SLC30A3: variants seen among roughly 807,000 people sequenced by gnomAD.
SLC30A3 encodes solute carrier family 30 member 3.
SLC30A3 carries 20 observed loss-of-function variants against 35.6 expected under a neutral mutation model. That is an observed-to-expected ratio of 0.56 (90% confidence interval 0.39 to 0.82). SLC30A3 has a LOEUF of 0.82. Among genes scored for constraint, SLC30A3 ranks in the 40% least tolerant of loss-of-function variants. SLC30A3 has a pLI of 0.00. For synonymous variants in SLC30A3, 217 were observed against 224.7 expected (o/e 0.97, Z 0.31); for missense variants, 401 against 530.6 (o/e 0.76, Z 2.40).
rs766532419 is a variant in SLC30A3 at position 27,262,856 on chromosome 2, G to T, written c.51C>A (p.Ser17Arg). 1.3e-6 allele frequency: 2 copies of T among 1,564,954 alleles called. No individual in the cohort carries two copies. Among genetic ancestry groups the T allele is most frequent in the Admixed American group, 1.9e-5 (1 of 51,872 alleles). The part of the protein sequence containing the change: ...AGGLETTRLV[S>R]PRDRGGAGGS... The stretch of plus-strand genomic sequence containing the variant: ...CTCCGGCGCCACCGCGGTCCCGGGG[G>T]CTCACCAGGCGAGTGGTCTCCAAGC... The change falls in exon 1 of 8, where the codon AGC becomes AGA. Residue 17 changes from serine to arginine, a missense_variant. Around this residue, in one of 3 missense-constraint regions of SLC30A3, gnomAD observed 103 missense variants for 120.7 expected, o/e 0.85. Coordinates refer to ENST00000233535, the MANE Select transcript of SLC30A3 (RefSeq NM_003459.5). This position sits in a 1 kb window ranked among gnomAD's most constrained non-coding sequence, Gnocchi z 7.5.
Position 27,258,170 on chromosome 2 carries a change from G to A in SLC30A3, c.415C>T (p.His139Tyr), listed in dbSNP as rs779046494. Reference sequence around the variant, plus strand: ...CATGCAGGGGCCTTACCTGAACGGTGCCAGCCAAAGGTCATGGTGCGGGTG... The same window carrying A: ...CATGCAGGGGCCTTACCTGAACGGTACCAGCCAAAGGTCATGGTGCGGGTG... ...PATRTMTFGW[H>Y]RSETLGALAS... Residue 139 changes from histidine (H) to tyrosine (Y), a missense_variant, in exon 3 of 8, where the codon CAC becomes TAC. His to Tyr is a moderately conservative substitution (Grantham distance 83, BLOSUM62 2). Transcript: ENST00000233535. This position sits in a 1 kb window ranked among gnomAD's most constrained non-coding sequence, Gnocchi z 4.0. The A allele has an allele frequency of 1.9e-6, 3 of 1,594,456 alleles. No homozygotes were observed. The East Asian group carries it at 6.7e-5, about 36-fold the overall frequency.
intron 1 of SLC30A3, among the ~76,000 whole-genome samples, chr2:27,259,568 C>T (rs982673449): frequency 1.3e-5 from 2 of 152,010 alleles, no homozygotes; most frequent in Non-Finnish European, 1.5e-5. Context: ...GCTCACTGCA[C>T]ACTTGAGTTC....
chr2:27,263,169 C>CA (rs1212321222), upstream of SLC30A3: 2 of 1,241,792 alleles, frequency 1.6e-6, no homozygotes, highest in Non-Finnish European at 2.1e-6. Context: ...GCCCCGCCCC[C>CA]ACTGCCAAAG....
In SLC30A3 at chr2:27,262,883, C is replaced by T. The variant is rs771274299; in HGVS notation, c.24G>A (p.Gly8=). 1 of 1,558,182 alleles carries T rather than the reference C, an allele frequency of 6.4e-7. No homozygotes were observed. Among genetic ancestry groups the T allele is most frequent in the South Asian group, 1.2e-5 (1 of 84,866 alleles). MEPSPAA[G]GLETTRLVSP... is the part of the protein sequence containing the mutation. The stretch of plus-strand genomic sequence containing the variant: ...TCACCAGGCGAGTGGTCTCCAAGCC[C>T]CCAGCGGCTGGAGAGGGCTCCATGT... The change falls in exon 1 of 8, where the codon GGG becomes GGA. Residue 8 remains glycine, a synonymous_variant. Coordinates refer to ENST00000233535, the MANE Select transcript of SLC30A3 (RefSeq NM_003459.5). This position sits in a 1 kb window ranked among gnomAD's most constrained non-coding sequence, Gnocchi z 7.5.
chr2:27,257,080 T>C lies in SLC30A3; in HGVS notation c.777+74A>G. The stretch of plus-strand genomic sequence containing the variant: ...AGCTGGAGGGAGGAGGAAGGAAGCT[T>C]TGGGACCTGGGAAGGAGTGGGCTGG... On this transcript the variant is annotated intron_variant, in intron 5 of 7. Transcript: ENST00000233535. This position sits in a 1 kb window ranked among gnomAD's most constrained non-coding sequence, Gnocchi z 4.7. The C allele has an allele frequency of 2.0e-6, 3 of 1,468,632 alleles. No homozygotes were observed. Among genetic ancestry groups the C allele is most frequent in the Admixed American group, 3.4e-5 (2 of 58,306 alleles). The allele number at this position is 1,468,632 out of a possible 1,614,324, so 91.0% of individuals were successfully genotyped here.
chr2:27,273,662 C>T (rs1000082722), intron 1 of SLC30A3, among the ~76,000 whole-genome samples: 1 of 151,986 alleles, frequency 6.6e-6, no homozygotes, highest in Non-Finnish European at 1.5e-5. Flanking sequence ...GTCTTCATCC[C>T]CTCTCCCTGC....
Position 27,255,640 on chromosome 2 carries a change from C to A in SLC30A3, c.1019-180G>T. ...TCAAATCAAATGTTGGAGAGACTCACCCCAATCAACCATGCTAACACACTA... is the reference window on the plus strand; with the variant it reads ...TCAAATCAAATGTTGGAGAGACTCAACCCAATCAACCATGCTAACACACTA... On this transcript the variant is annotated intron_variant, in intron 7 of 7. Coordinates refer to ENST00000233535, the MANE Select transcript of SLC30A3 (RefSeq NM_003459.5). The surrounding 1 kb of genome is among the most constrained non-coding windows in gnomAD (Gnocchi z 5.2). 1.6e-6 allele frequency: 1 copy of A among 638,948 alleles called. No homozygotes were observed. Among genetic ancestry groups the A allele is most frequent in the Non-Finnish European group, 2.7e-6 (1 of 370,890 alleles). The allele number at this position is 638,948 out of a possible 1,614,324, so 39.6% of individuals were successfully genotyped here.
chr2:27,264,137 T>C, upstream of SLC30A3: 2 of 1,106,464 alleles, frequency 1.8e-6, no homozygotes, highest in Non-Finnish European at 2.4e-6. This position sits in a 1 kb window ranked among gnomAD's most constrained non-coding sequence, Gnocchi z 6.1. Context: ...TGTGACAGTC[T>C]GTGAAGAGGA....
Position 27,262,882 on chromosome 2 carries a change from C to A in SLC30A3, c.25G>T (p.Gly9Cys). The part of the protein sequence containing the change: MEPSPAAG[G>C]LETTRLVSPR... ...CTCACCAGGCGAGTGGTCTCCAAGC[C>A]CCCAGCGGCTGGAGAGGGCTCCATG... is the stretch of plus-strand genomic sequence containing the variant. Residue 9 changes from glycine (G) to cysteine (C), a missense_variant, in exon 1 of 8, where the codon GGC becomes TGC. By Grantham distance (159) the Gly-to-Cys change is radical (BLOSUM62 -3). Around this residue, in one of 3 missense-constraint regions of SLC30A3, gnomAD observed 103 missense variants for 120.7 expected, o/e 0.85. Transcript: ENST00000233535. This position sits in a 1 kb window ranked among gnomAD's most constrained non-coding sequence, Gnocchi z 7.5. 2 of 1,557,872 alleles carry A rather than the reference C, an allele frequency of 1.3e-6. No individual in the cohort carries two copies. Among genetic ancestry groups the A allele is most frequent in the Non-Finnish European group, 1.7e-6 (2 of 1,159,254 alleles).
chr2:27,258,301 T>C lies in SLC30A3; in HGVS notation c.284A>G (p.Tyr95Cys). The C allele has an allele frequency of 4.6e-6, 7 of 1,518,196 alleles. No individual in the cohort carries two copies. Among genetic ancestry groups the C allele is most frequent in the Non-Finnish European group, 6.2e-6 (7 of 1,131,808 alleles). 94.0% of individuals were successfully genotyped at this position (1,518,196 alleles called of 1,614,324 possible). ...CATGATGGCCAGGCTGTGTGCCAGA[T>C]ACCCGCCTGCCAGGGTGAAATGATG... ...VFMAGEVVGG[Y>C]LAHSLAIMTD... Residue 95 changes from tyrosine (Y) to cysteine (C), a missense_variant, in exon 3 of 8, where the codon TAT becomes TGT. By Grantham distance (194) the Tyr-to-Cys change is radical. Around this residue, in one of 3 missense-constraint regions of SLC30A3, gnomAD observed 2 missense variants for 17.3 expected, o/e 0.12. Transcript: ENST00000233535. This position sits in a 1 kb window ranked among gnomAD's most constrained non-coding sequence, Gnocchi z 4.0.
upstream of SLC30A3, among the ~76,000 whole-genome samples, chr2:27,264,540 A>G (rs2148141705): frequency 6.6e-6 from 1 of 152,144 alleles, no homozygotes; most frequent in East Asian, 1.9e-4. The surrounding 1 kb of genome is among the most constrained non-coding windows in gnomAD (Gnocchi z 6.1). Flanking sequence ...GTGCGAAGGG[A>G]CTGTCCTGCG....
Position 27,258,562 on chromosome 2 carries a change from G to T in SLC30A3, c.277+191C>A. 1.4e-6 allele frequency: 1 copy of T among 690,716 alleles called. No individual in the cohort carries two copies. Among genetic ancestry groups the T allele is most frequent in the Non-Finnish European group, 2.4e-6 (1 of 422,522 alleles). 42.8% of individuals were successfully genotyped at this position (690,716 alleles called of 1,614,324 possible). A position where few individuals can be genotyped will look rare whatever the true frequency, so the allele number is the denominator to read the frequency against. The stretch of plus-strand genomic sequence containing the variant: ...AGTCAGCCCTGACCTACTGGCCCCG[G>T]ACCTCGGCTGGAATTCCCTTTGTTG... On this transcript the variant is annotated intron_variant, in intron 2 of 7. Transcript: ENST00000233535. The surrounding 1 kb of genome is among the most constrained non-coding windows in gnomAD (Gnocchi z 4.0).
Position 27,271,438 on chromosome 2 carries a change from C to A in SLC30A3, c.-159+3739G>T, listed in dbSNP as rs144859566. 6.6e-6 allele frequency among the ~76,000 whole-genome samples: 1 copy of A among 152,354 alleles called. No homozygotes were observed. The highest frequency in any genetic ancestry group is 2.4e-5 in the African/African-American group (1 of 41,580). ...CCAAGAAATGGTTTTAGTCTGTAAT[C>A]ATTCTTTGGCAGTTATTTTTGGTTT... is the stretch of plus-strand genomic sequence containing the variant. On this transcript the variant is annotated intron_variant, in intron 1 of 5. Coordinates refer to the SLC30A3 transcript ENST00000424577. This position sits in a 1 kb window ranked among gnomAD's most constrained non-coding sequence, Gnocchi z 4.3.
At chr2:27,268,581 G>A (rs1422198184) in intron 1 of SLC30A3, among the ~76,000 whole-genome samples, 1 of 152,108 alleles carries the variant, frequency 6.6e-6, no homozygotes, top group Non-Finnish European at 1.5e-5. Flanking sequence ...GTGAAACCCC[G>A]TCTCTACTAA....
At position 27,257,963 on chromosome 2, in the gene SLC30A3, G is replaced by A. The variant is rs766252330; in HGVS notation, c.520C>T (p.His174Tyr). 1.9e-6 allele frequency: 3 copies of A among 1,614,090 alleles called. No individual in the cohort carries two copies. In the African/African-American group the frequency reaches 4.0e-5, roughly 22 times the overall value. ...AFVRLLHSDY[H>Y]IEGGAMLLTA... The stretch of plus-strand genomic sequence containing the variant: ...AGCAGCATGGCACCCCCCTCGATGT[G>A]GTAGTCGCTGTGCAGCAGGCGGACG... Residue 174 changes from histidine to tyrosine, a missense_variant, in exon 4 of 8, where the codon CAC becomes TAC. His to Tyr is a moderately conservative substitution (Grantham distance 83, BLOSUM62 2). This residue lies in a region of SLC30A3 where 296 missense variants were observed against 392.6 expected (regional missense o/e 0.75). Coordinates refer to ENST00000233535, the MANE Select transcript of SLC30A3 (RefSeq NM_003459.5). This position sits in a 1 kb window ranked among gnomAD's most constrained non-coding sequence, Gnocchi z 4.7.
chr2:27,267,943 A>G (rs1031990856), upstream of SLC30A3, among the ~76,000 whole-genome samples: 2 of 151,962 alleles, frequency 1.3e-5, no homozygotes, highest in Non-Finnish European at 2.9e-5. Context: ...CAAAAAAAAA[A>G]AAAACTCAAA....
Position 27,256,787 on chromosome 2 carries a change from C to T in SLC30A3, c.883+1G>A. 6.3e-7 allele frequency: 1 copy of T among 1,595,310 alleles called. No individual in the cohort carries two copies. On this transcript the variant is annotated splice_donor_variant, in intron 6 of 7. Coordinates refer to ENST00000233535, the MANE Select transcript of SLC30A3 (RefSeq NM_003459.5). LOFTEE classifies it high-confidence loss of function. The stretch of plus-strand genomic sequence containing the variant: ...ATGGGGAGCTGTGGTGCCCGACTCA[C>T]CTTCCATGAGGATTCGAAGAACGTC...
At chr2:27,275,042 C>A in intron 1 of SLC30A3, 1 of 429,854 alleles carries the variant, frequency 2.3e-6, no homozygotes, top group Admixed American at 2.7e-5. Context: ...GGAACAGGGG[C>A]ATATGAGTTG....
At chr2:27,272,798 T>A (rs952643243) in intron 1 of SLC30A3, among the ~76,000 whole-genome samples, 12 of 151,540 alleles carry the variant, frequency 7.9e-5, no homozygotes, top group African/African-American at 2.2e-4. Flanking sequence ...ACGCCTGTAA[T>A]CCCTGCACTT....
Sources: allele counts gnomAD v4.1 joint callset (sites outside exome capture counted in the v4.1 genomes callset), GRCh38; gene constraint gnomAD v4.1.1; regional missense constraint gnomAD v4.1.1; non-coding constraint Gnocchi (gnomAD v3.1); transcripts MANE v1.5; gene names NCBI Gene and HGNC (gene_info 2026-07-23, HGNC 2026-07-21).